The following NKX6-2 variants were observed in gnomAD, a reference collection of about 807,000 sequenced individuals.
The protein encoded by NKX6-2 is homeobox protein Nkx-6.2.
A neutral mutation model predicts 19.9 loss-of-function variants in NKX6-2; 22 were observed. The observed-to-expected ratio is 1.10, with a 90% CI of 0.79 to 1.58. NKX6-2 has a LOEUF of 1.58. Among genes scored for constraint, NKX6-2 ranks in the 40% most tolerant of loss-of-function variants. NKX6-2 has a pLI of 0.00. For missense variants in NKX6-2, 475 were observed against 410.6 expected (o/e 1.16, Z -1.35); for synonymous variants, 257 against 204.0 (o/e 1.26, Z -2.21).
Position 132,785,513 on chromosome 10 carries a change from C to T in NKX6-2, c.406+30G>A, listed in dbSNP as rs1417357530. Reference sequence around the variant, plus strand: ...GGCGGGGTCCCCCTCCGCGCCCACCCGCCCCGCACCCCCCGCGCGGGCCAC... The same window carrying T: ...GGCGGGGTCCCCCTCCGCGCCCACCTGCCCCGCACCCCCCGCGCGGGCCAC... On this transcript the variant is annotated intron_variant, in intron 1 of 2. Transcript: ENST00000368592. The surrounding 1 kb of genome is among the most constrained non-coding windows in gnomAD (Gnocchi z 5.5). The T allele has an allele frequency of 7.1e-7, 1 of 1,400,044 alleles. No individual in the cohort carries two copies. The highest frequency in any genetic ancestry group is 9.3e-7 in the Non-Finnish European group (1 of 1,079,808). 86.7% of individuals were successfully genotyped at this position (1,400,044 alleles called of 1,614,324 possible).
At position 132,784,873 on chromosome 10, in the gene NKX6-2, C is replaced by T; in HGVS notation, c.*43G>A. 6.4e-7 allele frequency: 1 copy of T among 1,555,472 alleles called. No individual in the cohort carries two copies. On this transcript the variant is annotated 3_prime_UTR_variant, in exon 3 of 3. Transcript: ENST00000368592. Reference sequence around the variant, plus strand: ...CGACTCGCGCCCACCCGGGGCCGCCCCCGGATTCTGCAAAAATAGATTCGC... The same window carrying T: ...CGACTCGCGCCCACCCGGGGCCGCCTCCGGATTCTGCAAAAATAGATTCGC...
In NKX6-2 at chr10:132,785,512, C is replaced by G; in HGVS notation, c.406+31G>C. On this transcript the variant is annotated intron_variant, in intron 1 of 2. Transcript: ENST00000368592. The surrounding 1 kb of genome is among the most constrained non-coding windows in gnomAD (Gnocchi z 5.5). Reference sequence around the variant, plus strand: ...CGGCGGGGTCCCCCTCCGCGCCCACCCGCCCCGCACCCCCCGCGCGGGCCA... The same window carrying G: ...CGGCGGGGTCCCCCTCCGCGCCCACGCGCCCCGCACCCCCCGCGCGGGCCA... 2 of 1,399,096 alleles carry G rather than the reference C, an allele frequency of 1.4e-6. No individual in the cohort carries two copies. The highest frequency in any genetic ancestry group is 3.1e-5 in the African/African-American group (2 of 65,442). The allele number at this position is 1,399,096 out of a possible 1,614,324, so 86.7% of individuals were successfully genotyped here.
rs1394030640 is a variant in NKX6-2 at position 132,785,466 on chromosome 10, G to C, written c.407-14C>G. ...CGCCGGCCGGGGCTGCAAGGGAGGG[G>C]AAGGGAGGGAGGTCAGCGGCCGGCG... On this transcript the variant is annotated splice_polypyrimidine_tract_variant and intron_variant, in intron 1 of 2. Coordinates refer to ENST00000368592, the MANE Select transcript of NKX6-2 (RefSeq NM_177400.3). The surrounding 1 kb of genome is among the most constrained non-coding windows in gnomAD (Gnocchi z 5.5). 5 of 1,547,674 alleles carry C rather than the reference G, an allele frequency of 3.2e-6. No individual in the cohort carries two copies. Among genetic ancestry groups the C allele is most frequent in the Non-Finnish European group, 4.4e-6 (5 of 1,147,668 alleles).
chr10:132,785,527 C>A lies in NKX6-2; in HGVS notation c.406+16G>T. The A allele has an allele frequency of 2.2e-6, 3 of 1,382,854 alleles. No homozygotes were observed. The highest frequency in any genetic ancestry group is 1.7e-5 in the South Asian group (1 of 60,244). 85.7% of individuals were successfully genotyped at this position (1,382,854 alleles called of 1,614,324 possible). A position where few individuals can be genotyped will look rare whatever the true frequency, so the allele number is the denominator to read the frequency against. On this transcript the variant is annotated intron_variant, in intron 1 of 2. Coordinates refer to ENST00000368592, the MANE Select transcript of NKX6-2 (RefSeq NM_177400.3). This position sits in a 1 kb window ranked among gnomAD's most constrained non-coding sequence, Gnocchi z 5.5. ...CCGCGCCCACCCGCCCCGCACCCCC[C>A]GCGCGGGCCACTCACCCGGGCCAGC...
chr10:132,784,897 G>T lies in NKX6-2; in HGVS notation c.*19C>A. The stretch of plus-strand genomic sequence containing the variant: ...CCCCGGATTCTGCAAAAATAGATTC[G>T]CCCCCACCCCGCGGGTCCTCACAAG... On this transcript the variant is annotated 3_prime_UTR_variant, in exon 3 of 3. Transcript: ENST00000368592. The T allele has an allele frequency of 1.9e-6, 3 of 1,601,186 alleles. No homozygotes were observed. The highest frequency in any genetic ancestry group is 2.6e-6 in the Non-Finnish European group (3 of 1,171,738).
Position 132,785,802 on chromosome 10 carries a change from G to A in NKX6-2, c.147C>T (p.Gly49=). The change falls in exon 1 of 3, where the codon GGC becomes GGT. Residue 49 remains glycine, a synonymous_variant. Coordinates refer to ENST00000368592, the MANE Select transcript of NKX6-2 (RefSeq NM_177400.3). The surrounding 1 kb of genome is among the most constrained non-coding windows in gnomAD (Gnocchi z 5.5). Reference sequence around the variant, plus strand: ...GCGGGGTCCCGAGCGGGAGCTGCGCGCCCAGGCCCCCCAGCGCGGGCGCCT... The same window carrying A: ...GCGGGGTCCCGAGCGGGAGCTGCGCACCCAGGCCCCCCAGCGCGGGCGCCT... ...GFKAPALGGL[G]AQLPLGTPHG... is the part of the protein sequence containing the mutation. 7.3e-7 allele frequency: 1 copy of A among 1,366,050 alleles called. No individual in the cohort carries two copies. The highest frequency in any genetic ancestry group is 1.7e-5 in the South Asian group (1 of 57,304). 84.6% of individuals were successfully genotyped at this position (1,366,050 alleles called of 1,614,324 possible). A position where few individuals can be genotyped will look rare whatever the true frequency, so the allele number is the denominator to read the frequency against.
rs1204012713 is a variant in NKX6-2 at position 132,786,122 on chromosome 10, G to GCGGCGGCTC, written c.-183_-175dup. 6.9e-6 allele frequency: 1 copy of GCGGCGGCTC among 145,332 alleles called. No homozygotes were observed. Among genetic ancestry groups the GCGGCGGCTC allele is most frequent in the Non-Finnish European group, 1.5e-5 (1 of 65,556 alleles). The allele number at this position is 145,332 out of a possible 1,614,324, so 9.0% of individuals were successfully genotyped here. On this transcript the variant is annotated 5_prime_UTR_variant, in exon 1 of 3. Transcript: ENST00000368592. Reference sequence around the variant, plus strand: ...CGGGGCGGGCGGGCGGGCGGCGGCGGCGGCGGCTCCGGGGCCGGTCGGAGC... The same window carrying GCGGCGGCTC: ...CGGGGCGGGCGGGCGGGCGGCGGCGGCGGCGGCTCCGGCGGCTCCGGGGCCGGTCGGAGC...
At position 132,785,358 on chromosome 10, in the gene NKX6-2, G is replaced by T. The variant is rs1375888398; in HGVS notation, c.501C>A (p.Phe167Leu). ...GGCCCGCCAGGTACTTGGTCTGCTC[G>T]AAGGTTTTCTCCAGCGCGAAGATCT... The part of the protein sequence containing the change: ...GQQIFALEKT[F>L]EQTKYLAGPE... The change falls in exon 2 of 3, where the codon TTC (phenylalanine) becomes TTA (leucine). Residue 167 changes from phenylalanine (F) to leucine (L), a missense_variant. By Grantham distance (22) the Phe-to-Leu change is conservative (BLOSUM62 0). Coordinates refer to ENST00000368592, the MANE Select transcript of NKX6-2 (RefSeq NM_177400.3). This position sits in a 1 kb window ranked among gnomAD's most constrained non-coding sequence, Gnocchi z 5.5. The T allele has an allele frequency of 6.2e-7, 1 of 1,606,112 alleles. No individual in the cohort carries two copies. Among genetic ancestry groups the T allele is most frequent in the Non-Finnish European group, 8.5e-7 (1 of 1,177,602 alleles).
Position 132,785,752 on chromosome 10 carries a change from C to G in NKX6-2, c.197G>C (p.Arg66Pro). Residue 66 changes from arginine to proline, a missense_variant, in exon 1 of 3, where the codon CGG becomes CCG. By Grantham distance (103) the Arg-to-Pro change is moderately radical. Transcript: ENST00000368592. The surrounding 1 kb of genome is among the most constrained non-coding windows in gnomAD (Gnocchi z 5.5). ...TPHGISDILG[R>P]PVGAAGGGLL... ...GCCCCCGCCCGCCGCGCCCACGGGC[C>G]GGCCCAGGATGTCGCTGATGCCGTG... is the stretch of plus-strand genomic sequence containing the variant. The G allele has an allele frequency of 8.0e-7, 1 of 1,244,268 alleles. No homozygotes were observed. Among genetic ancestry groups the G allele is most frequent in the Admixed American group, 4.3e-5 (1 of 23,076 alleles). The allele number at this position is 1,244,268 out of a possible 1,614,324, so 77.1% of individuals were successfully genotyped here.
rs1028740709 is a variant in NKX6-2 at position 132,786,111 on chromosome 10, G to GGGCGGC, written c.-169_-164dup. 5 of 144,574 alleles carry GGGCGGC rather than the reference G, an allele frequency of 3.5e-5. No individual in the cohort carries two copies. Among genetic ancestry groups the GGGCGGC allele is most frequent in the East Asian group, 2.0e-4 (1 of 4,886 alleles). 9.0% of individuals were successfully genotyped at this position (144,574 alleles called of 1,614,324 possible). On this transcript the variant is annotated 5_prime_UTR_variant, in exon 1 of 3. Transcript: ENST00000368592. ...CGGCTCCGGCGCGGGGCGGGCGGGC[G>GGGCGGC]GGCGGCGGCGGCGGCGGCTCCGGGG...
In NKX6-2 at chr10:132,785,855, AG is replaced by A; in HGVS notation, c.93del (p.Tyr32ThrfsTer156). The A allele has an allele frequency of 1.4e-6, 2 of 1,385,768 alleles. No homozygotes were observed. Among genetic ancestry groups the A allele is most frequent in the South Asian group, 1.5e-5 (1 of 67,344 alleles). The allele number at this position is 1,385,768 out of a possible 1,614,324, so 85.8% of individuals were successfully genotyped here. A position where few individuals can be genotyped will look rare whatever the true frequency, so the allele number is the denominator to read the frequency against. ...NMAEMKTSLF[P>X]YALQGPAGFK... The stretch of plus-strand genomic sequence containing the variant: ...AAGCCGGCCGGACCCTGCAGCGCGT[AG>A]GGGAACAGCGACGTCTTCATCTCGG... On this transcript the variant is annotated frameshift_variant, in exon 1 of 3. Coordinates refer to ENST00000368592, the MANE Select transcript of NKX6-2 (RefSeq NM_177400.3). LOFTEE classifies it high-confidence loss of function. This position sits in a 1 kb window ranked among gnomAD's most constrained non-coding sequence, Gnocchi z 5.5.
chr10:132,785,700 G>A lies in NKX6-2; in HGVS notation c.249C>T (p.Asn83=). The stretch of plus-strand genomic sequence containing the variant: ...AAACGCCGGCGGACGACGCGAGCCC[G>A]TTGAGCCGGGGCAGCCCCCCCAGGA... ...GGLLGGLPRL[N]GLASSAGVYF... is the part of the protein sequence containing the mutation. Residue 83 remains asparagine, a synonymous_variant, in exon 1 of 3, where the codon AAC becomes AAT. Transcript: ENST00000368592. The surrounding 1 kb of genome is among the most constrained non-coding windows in gnomAD (Gnocchi z 5.5). 1.6e-5 allele frequency: 20 copies of A among 1,243,804 alleles called. No individual in the cohort carries two copies. The highest frequency in any genetic ancestry group is 3.2e-5 in the South Asian group (1 of 31,462). The allele number at this position is 1,243,804 out of a possible 1,614,324, so 77.0% of individuals were successfully genotyped here.
Position 132,784,141 on chromosome 10 carries a change from C to T in NKX6-2, c.*775G>A, listed in dbSNP as rs1251679673. ...GCGCTGCGGGCCTTGCCCAGGGGGC[C>T]TCCGGCTCCCTGACCCCGCGTGACC... On this transcript the variant is annotated 3_prime_UTR_variant, in exon 3 of 3. Transcript: ENST00000368592. 3 of 152,208 alleles carry T rather than the reference C, an allele frequency of 2.0e-5. No homozygotes were observed. The highest frequency in any genetic ancestry group is 2.0e-4 in the Admixed American group (3 of 15,292). 9.4% of individuals were successfully genotyped at this position (152,208 alleles called of 1,614,324 possible). A position where few individuals can be genotyped will look rare whatever the true frequency, so the allele number is the denominator to read the frequency against.
At position 132,785,513 on chromosome 10, in the gene NKX6-2, C is replaced by G. The variant is rs1417357530; in HGVS notation, c.406+30G>C. On this transcript the variant is annotated intron_variant, in intron 1 of 2. Transcript: ENST00000368592. The surrounding 1 kb of genome is among the most constrained non-coding windows in gnomAD (Gnocchi z 5.5). Reference sequence around the variant, plus strand: ...GGCGGGGTCCCCCTCCGCGCCCACCCGCCCCGCACCCCCCGCGCGGGCCAC... The same window carrying G: ...GGCGGGGTCCCCCTCCGCGCCCACCGGCCCCGCACCCCCCGCGCGGGCCAC... The G allele has an allele frequency of 7.1e-7, 1 of 1,399,934 alleles. No individual in the cohort carries two copies. 86.7% of individuals were successfully genotyped at this position (1,399,934 alleles called of 1,614,324 possible). A position where few individuals can be genotyped will look rare whatever the true frequency, so the allele number is the denominator to read the frequency against.
Position 132,785,209 on chromosome 10 carries a change from G to C in NKX6-2, c.580-39C>G. ...GGGCGGTCAGGCGGCCGCGGGGCCC[G>C]GGGCTGGCGCTGGGGCCGTTCGCAG... On this transcript the variant is annotated intron_variant, in intron 2 of 2. Coordinates refer to ENST00000368592, the MANE Select transcript of NKX6-2 (RefSeq NM_177400.3). This position sits in a 1 kb window ranked among gnomAD's most constrained non-coding sequence, Gnocchi z 5.5. 1.3e-6 allele frequency: 2 copies of C among 1,588,962 alleles called. No homozygotes were observed. The highest frequency in any genetic ancestry group is 1.1e-5 in the South Asian group (1 of 88,470).
rs777976789 is a variant in NKX6-2 at position 132,785,136 on chromosome 10, T to C, written c.614A>G (p.Lys205Arg). Reference sequence around the variant, plus strand: ...CGACGCCATCTCCACCGCGTGCCGCTTGCGCCACTTGGTCCGGCGGTTCTG... The same window carrying C: ...CGACGCCATCTCCACCGCGTGCCGCCTGCGCCACTTGGTCCGGCGGTTCTG... ...WFQNRRTKWRKRHAVEMASAK... is the reference protein window; with the variant it reads ...WFQNRRTKWRRRHAVEMASAK... The change falls in exon 3 of 3, where the codon AAG (lysine) becomes AGG (arginine). Residue 205 changes from lysine to arginine, a missense_variant. Physicochemically the swap from Lys to Arg is conservative, Grantham distance 26. Coordinates refer to ENST00000368592, the MANE Select transcript of NKX6-2 (RefSeq NM_177400.3). This position sits in a 1 kb window ranked among gnomAD's most constrained non-coding sequence, Gnocchi z 5.5. 3 of 1,611,952 alleles carry C rather than the reference T, an allele frequency of 1.9e-6. No individual in the cohort carries two copies. Among genetic ancestry groups the C allele is most frequent in the African/African-American group, 1.3e-5 (1 of 75,020 alleles).
Position 132,785,868 on chromosome 10 carries a change from C to T in NKX6-2, c.81G>A (p.Thr27=), listed in dbSNP as rs1460412801. ...CCTGCAGCGCGTAGGGGAACAGCGA[C>T]GTCTTCATCTCGGCCATGTTGTGCA... ...AALHNMAEMK[T]SLFPYALQGP... The change falls in exon 1 of 3, where the codon ACG becomes ACA. Residue 27 remains threonine, a synonymous_variant. Transcript: ENST00000368592. This position sits in a 1 kb window ranked among gnomAD's most constrained non-coding sequence, Gnocchi z 5.5. 2 of 1,381,084 alleles carry T rather than the reference C, an allele frequency of 1.4e-6. No individual in the cohort carries two copies. Among genetic ancestry groups the T allele is most frequent in the East Asian group, 2.9e-5 (1 of 34,898 alleles). The allele number at this position is 1,381,084 out of a possible 1,614,324, so 85.6% of individuals were successfully genotyped here.
At position 132,784,738 on chromosome 10, in the gene NKX6-2, C is replaced by T. The variant is rs967920695; in HGVS notation, c.*178G>A. 9 of 599,556 alleles carry T rather than the reference C, an allele frequency of 1.5e-5. No individual in the cohort carries two copies. The highest frequency in any genetic ancestry group is 3.9e-5 in the African/African-American group (2 of 51,284). 37.1% of individuals were successfully genotyped at this position (599,556 alleles called of 1,614,324 possible). Reference sequence around the variant, plus strand: ...GCGGGCGCAGGGGCGAAGCCGGGGCCGGGGAGGGGCCGCCTCGCTCCGGGT... The same window carrying T: ...GCGGGCGCAGGGGCGAAGCCGGGGCTGGGGAGGGGCCGCCTCGCTCCGGGT... On this transcript the variant is annotated 3_prime_UTR_variant, in exon 3 of 3. Coordinates refer to ENST00000368592, the MANE Select transcript of NKX6-2 (RefSeq NM_177400.3).
rs1446660746 is a variant in NKX6-2 at position 132,785,767 on chromosome 10, C to T, written c.182G>A (p.Ser61Asn). Residue 61 changes from serine to asparagine, a missense_variant, in exon 1 of 3, where the codon AGC becomes AAC. Ser to Asn is a conservative substitution (Grantham distance 46). Transcript: ENST00000368592. This position sits in a 1 kb window ranked among gnomAD's most constrained non-coding sequence, Gnocchi z 5.5. ...GCCCACGGGCCGGCCCAGGATGTCGCTGATGCCGTGCGGGGTCCCGAGCGG... is the reference window on the plus strand; with the variant it reads ...GCCCACGGGCCGGCCCAGGATGTCGTTGATGCCGTGCGGGGTCCCGAGCGG... ...QLPLGTPHGI[S>N]DILGRPVGAA... 1.9e-5 allele frequency: 24 copies of T among 1,287,730 alleles called. No homozygotes were observed. Among genetic ancestry groups the T allele is most frequent in the Non-Finnish European group, 2.4e-5 (24 of 1,018,574 alleles). 79.8% of individuals were successfully genotyped at this position (1,287,730 alleles called of 1,614,324 possible).
Sources: gnomAD v4.1 joint callset for allele counts on GRCh38, gnomAD v4.1.1 for gene constraint, Gnocchi (gnomAD v3.1) non-coding constraint, MANE v1.5 for transcripts, NCBI Gene and HGNC (gene_info 2026-07-23, HGNC 2026-07-21) for gene names.